The following NGLY1 variants were observed in gnomAD, a reference collection of about 807,000 sequenced individuals.
The protein encoded by NGLY1 is peptide-N(4)-(N-acetyl-beta-glucosaminyl)asparagine amidase.
In NGLY1, 68 loss-of-function variants were observed where a neutral mutation model predicts 84.6. That is an observed-to-expected ratio of 0.80 (90% CI 0.66 to 0.98). The LOEUF (loss-of-function observed/expected upper bound fraction) is 0.98. NGLY1 is among the 50% of genes least tolerant of loss of function. NGLY1 has a pLI of 0.00. For missense variants in NGLY1, 779 were observed against 770.2 expected (o/e 1.01, Z -0.14); for synonymous variants, 280 against 275.2 (o/e 1.02, Z -0.17).
At chr3:25,736,788 T>C (rs1263756599) in intron 6 of NGLY1, 1 of 166,564 alleles carries the variant, frequency 6.0e-6, no homozygotes, top group East Asian at 1.8e-4. Flanking sequence ...TGAAGATTTC[T>C]ATGGTACATT....
At chr3:25,784,910 C>G (rs139262779), upstream of NGLY1, among the ~76,000 whole-genome samples, 590 of 152,172 alleles carry the variant, frequency 3.9e-3, 4 homozygotes, top group African/African-American at 0.014. Flanking sequence ...ATGCAGGTGT[C>G]ATAATGTCAG....
In NGLY1 at chr3:25,737,333, C is replaced by A; in HGVS notation, c.1003+1G>T. 1 of 1,608,476 alleles carries A rather than the reference C, an allele frequency of 6.2e-7. No homozygotes were observed. Among genetic ancestry groups the A allele is most frequent in the Non-Finnish European group, 8.5e-7 (1 of 1,178,264 alleles). On this transcript the variant is annotated splice_donor_variant, in intron 6 of 11. Transcript: ENST00000280700. LOFTEE classifies it high-confidence loss of function. ...CCCTCTGCTCATTCCACATTCTGTACCTGTGTAATCCCAAACATAGCGAGC... is the reference window on the plus strand; with the variant it reads ...CCCTCTGCTCATTCCACATTCTGTAACTGTGTAATCCCAAACATAGCGAGC...
chr3:25,767,938 C>T (rs1259016149), intron 2 of NGLY1, among the ~76,000 whole-genome samples: 4 of 151,470 alleles, frequency 2.6e-5, no homozygotes, highest in Non-Finnish European at 5.9e-5. Context: ...CATGGCGAAA[C>T]CCCGTCTCTA....
At chr3:25,760,728 C>T (rs1444067508) in intron 3 of NGLY1, among the ~76,000 whole-genome samples, 2 of 151,910 alleles carry the variant, frequency 1.3e-5, no homozygotes, top group Non-Finnish European at 2.9e-5. Flanking sequence ...GACGTGGTGG[C>T]ACATGCCTGT....
chr3:25,767,180 T>G (rs1470098778), intron 2 of NGLY1, among the ~76,000 whole-genome samples: 1 of 151,412 alleles, frequency 6.6e-6, no homozygotes, highest in East Asian at 1.9e-4. Flanking sequence ...TAATCCCAAC[T>G]ACTCGGGAGG....
At chr3:25,783,854 G>A (rs1052127286), upstream of NGLY1, among the ~76,000 whole-genome samples, 42 of 152,214 alleles carry the variant, frequency 2.8e-4, no homozygotes, top group African/African-American at 9.6e-4. This position sits in a 1 kb window ranked among gnomAD's most constrained non-coding sequence, Gnocchi z 4.5. Context: ...GGGATGTCGA[G>A]TCCTTTAGGA....
chr3:25,757,866 T>C (rs1707119403), intron 3 of NGLY1, among the ~76,000 whole-genome samples: 1 of 152,216 alleles, frequency 6.6e-6, no homozygotes, highest in African/African-American at 2.4e-5. Context: ...CTGGAGAAGC[T>C]ACCCTGAGGT....
At chr3:25,783,811 C>G (rs948011439), upstream of NGLY1, among the ~76,000 whole-genome samples, 2 of 151,846 alleles carry the variant, frequency 1.3e-5, no homozygotes, top group Non-Finnish European at 2.9e-5. The surrounding 1 kb of genome is among the most constrained non-coding windows in gnomAD (Gnocchi z 4.5). Context: ...GGGGCCTGGG[C>G]TCCGGGGCTG....
chr3:25,748,320 A>T (rs913423573), intron 4 of NGLY1, among the ~76,000 whole-genome samples: 6 of 152,214 alleles, frequency 3.9e-5, no homozygotes, highest in African/African-American at 1.4e-4. Context: ...AACACCAAGC[A>T]GGATAAATGC....
chr3:25,719,278 TAATTC>T lies in NGLY1; in HGVS notation c.*177_*181del, dbSNP rs1314006554. On this transcript the variant is annotated 3_prime_UTR_variant, in exon 12 of 12. Transcript: ENST00000280700. ...ATAGTCACATATGGAAGAAAGGTTT[TAATTC>T]AATATTTTATTATAGTCCACGTATA... 1.1e-5 allele frequency: 5 copies of T among 459,418 alleles called. No homozygotes were observed. The highest frequency in any genetic ancestry group is 5.9e-5 in the African/African-American group (3 of 51,046). 28.5% of individuals were successfully genotyped at this position (459,418 alleles called of 1,614,324 possible).
At chr3:25,766,240 A>AT in intron 2 of NGLY1, among the ~76,000 whole-genome samples, 1 of 151,606 alleles carries the variant, frequency 6.6e-6, no homozygotes, top group East Asian at 1.9e-4. Context: ...TAATTTTTGT[A>AT]TTTTTTAGTA....
At chr3:25,749,371 T>G in intron 4 of NGLY1, 2 of 626,318 alleles carry the variant, frequency 3.2e-6, no homozygotes, top group South Asian at 1.9e-5. Context: ...AATGAATAAA[T>G]GGATATGCAA....
At chr3:25,729,396 T>A in intron 9 of NGLY1, 78 bp from the exon 10 acceptor site, 1 of 897,076 alleles carries the variant, frequency 1.1e-6, no homozygotes, top group Non-Finnish European at 1.5e-6. Context: ...CTAAGCAGAG[T>A]GGTAAGAGAA....
chr3:25,746,210 A>G (rs1425806553), intron 4 of NGLY1, among the ~76,000 whole-genome samples: 2 of 152,102 alleles, frequency 1.3e-5, no homozygotes, highest in Admixed American at 1.3e-4. Flanking sequence ...CTCTGCCTCT[A>G]TGCATGTTGA....
intron 9 of NGLY1, 121 bp from the exon 10 acceptor site, chr3:25,729,439 A>T (rs933845059): frequency 2.0e-6 from 1 of 501,066 alleles, no homozygotes; most frequent in Non-Finnish European, 3.2e-6. Context: ...AATTAGTGCC[A>T]TTGGAAAATT....
chr3:25,728,577 A>G (rs1358852119), intron 10 of NGLY1, among the ~76,000 whole-genome samples: 1 of 152,140 alleles, frequency 6.6e-6, no homozygotes, highest in East Asian at 1.9e-4. Flanking sequence ...CTTGGTATAA[A>G]TGAACTGCTA....
chr3:25,720,751 C>T (rs1704944399), intron 10 of NGLY1, among the ~76,000 whole-genome samples: 1 of 152,176 alleles, frequency 6.6e-6, no homozygotes, highest in African/African-American at 2.4e-5. Flanking sequence ...TAAATGTATA[C>T]TATTTAAGGC....
Position 25,729,265 on chromosome 3 carries a change from GA to G in NGLY1, c.1478del (p.Leu493ProfsTer8). 6.5e-7 allele frequency: 1 copy of G among 1,529,958 alleles called. No homozygotes were observed. The highest frequency in any genetic ancestry group is 2.4e-5 in the East Asian group (1 of 41,582). The allele number at this position is 1,529,958 out of a possible 1,614,324, so 94.8% of individuals were successfully genotyped here. ...CTTTCACAATATTGTAACAAAGGTG[GA>G]GCTGTTTAGAAATCTTCTCATTTTC... The part of the protein sequence containing the change: ...PCENEKISKQ[L>X]HLCYNIVKDR... On this transcript the variant is annotated frameshift_variant, in exon 10 of 12. Transcript: ENST00000280700. LOFTEE classifies it high-confidence loss of function.
upstream of NGLY1, among the ~76,000 whole-genome samples, chr3:25,784,688 T>C (rs1018049870): frequency 6.6e-6 from 1 of 152,226 alleles, no homozygotes; most frequent in Non-Finnish European, 1.5e-5. Flanking sequence ...TCTTCCAGAA[T>C]CTCCGAACAA....
Sources: allele counts gnomAD v4.1 joint callset (sites outside exome capture counted in the v4.1 genomes callset), GRCh38; gene constraint gnomAD v4.1.1; non-coding constraint Gnocchi (gnomAD v3.1); transcripts MANE v1.5; gene names NCBI Gene and HGNC (gene_info 2026-07-23, HGNC 2026-07-21).